The following B3GALT1 variants were observed in gnomAD, a reference collection of about 807,000 sequenced individuals.
The protein encoded by B3GALT1 is beta-1,3-galactosyltransferase 1.
In B3GALT1, 10 loss-of-function variants were observed where a neutral mutation model predicts 23.2. That is an observed-to-expected ratio of 0.43 (90% CI 0.27 to 0.73). The LOEUF (loss-of-function observed/expected upper bound fraction) is 0.73. Ranked by LOEUF, B3GALT1 falls within the 30% of genes least tolerant of loss-of-function variation. B3GALT1 has a pLI of 0.21. For missense variants in B3GALT1, 299 were observed against 405.4 expected (o/e 0.74, Z 2.25); for synonymous variants, 156 against 141.5 (o/e 1.10, Z -0.73).
At chr2:167,306,269 A>G (rs546457892) in intron 1 of B3GALT1, among the ~76,000 whole-genome samples, 2 of 152,148 alleles carry the variant, frequency 1.3e-5, no homozygotes, top group East Asian at 3.9e-4. Context: ...AATAAAATAT[A>G]AAATGATTAT....
chr2:167,377,218 T>A (rs1185466529), intron 1 of B3GALT1, among the ~76,000 whole-genome samples: 1 of 152,196 alleles, frequency 6.6e-6, no homozygotes, highest in Non-Finnish European at 1.5e-5. Context: ...TAATTTTGAT[T>A]TTTTTGAATT....
At chr2:167,324,607 CAT>C (rs1696864072) in intron 1 of B3GALT1, among the ~76,000 whole-genome samples, 1 of 152,000 alleles carries the variant, frequency 6.6e-6, no homozygotes, top group Admixed American at 6.6e-5. Flanking sequence ...TAGATTTGAA[CAT>C]ATTTATGGGA....
At chr2:167,502,572 CA>C (rs11361837) in intron 2 of B3GALT1, among the ~76,000 whole-genome samples, 58,333 of 151,570 alleles carry the variant, frequency 0.38, 11,997 homozygotes, top group East Asian at 0.8. Flanking sequence ...AGGTAGGAGG[CA>C]CATCTTAAAT....
At chr2:167,467,382 TAATA>T (rs2105328968) in intron 1 of B3GALT1, among the ~76,000 whole-genome samples, 1 of 152,140 alleles carries the variant, frequency 6.6e-6, no homozygotes, top group East Asian at 2.0e-4. Flanking sequence ...CATGTTGTTA[TAATA>T]ATAATAGAGC....
At chr2:167,598,304 A>G (rs756116093) in intron 2 of B3GALT1, among the ~76,000 whole-genome samples, 3 of 152,154 alleles carry the variant, frequency 2.0e-5, no homozygotes, top group Non-Finnish European at 4.4e-5. Context: ...CACTATATCT[A>G]GTATACATGC....
chr2:167,371,201 T>A (rs557990174), intron 1 of B3GALT1, among the ~76,000 whole-genome samples: 2 of 152,106 alleles, frequency 1.3e-5, no homozygotes, highest in South Asian at 4.2e-4. Flanking sequence ...TTTTTTTTTT[T>A]ATCACTGCTA....
intron 3 of B3GALT1, among the ~76,000 whole-genome samples, chr2:167,679,434 A>G (rs1300492442): frequency 6.6e-6 from 1 of 152,106 alleles, no homozygotes; most frequent in Non-Finnish European, 1.5e-5. Flanking sequence ...TTGTATTATT[A>G]GTAGAGACAG....
chr2:167,449,377 G>A (rs578015296), intron 1 of B3GALT1, among the ~76,000 whole-genome samples: 174 of 152,184 alleles, frequency 1.1e-3, no homozygotes, highest in African/African-American at 4.1e-3. Flanking sequence ...AAGGTGTTGA[G>A]TTCTTGATTT....
intron 1 of B3GALT1, among the ~76,000 whole-genome samples, chr2:167,374,771 A>G (rs1655299642): frequency 1.3e-5 from 2 of 151,870 alleles, no homozygotes; most frequent in South Asian, 4.1e-4. Context: ...GTTTGCAAAT[A>G]TTTTCTCACA....
At chr2:167,768,244 GGTATTTATAAAATAT>G (rs1321521739) in intron 3 of B3GALT1, among the ~76,000 whole-genome samples, 1 of 152,108 alleles carries the variant, frequency 6.6e-6, no homozygotes, top group Non-Finnish European at 1.5e-5. Context: ...CATTACAAAA[GGTATTTATAAAATAT>G]GTAGAGAAGC....
chr2:167,455,702 G>A (rs1036629844), intron 1 of B3GALT1, among the ~76,000 whole-genome samples: 2 of 151,944 alleles, frequency 1.3e-5, no homozygotes, highest in African/African-American at 4.8e-5. Flanking sequence ...TAATAGAGAC[G>A]AGATTTCACC....
intron 4 of B3GALT1, among the ~76,000 whole-genome samples, chr2:167,820,398 T>C (rs935692965): frequency 1.3e-5 from 2 of 152,126 alleles, no homozygotes; most frequent in African/African-American, 4.8e-5. Context: ...ACCAGATAAC[T>C]TGGGGCTATG....
At chr2:167,804,728 G>C (rs923386977) in intron 3 of B3GALT1, among the ~76,000 whole-genome samples, 1 of 152,130 alleles carries the variant, frequency 6.6e-6, no homozygotes, top group African/African-American at 2.4e-5. Context: ...GTCTATCATT[G>C]TTGGACATTT....
chr2:167,526,861 C>T (rs1336366166), intron 2 of B3GALT1, among the ~76,000 whole-genome samples: 1 of 151,978 alleles, frequency 6.6e-6, no homozygotes, highest in African/African-American at 2.4e-5. Context: ...ATTTCTACTA[C>T]CTACAAATAG....
chr2:167,636,639 G>A (rs1265926890), intron 2 of B3GALT1, among the ~76,000 whole-genome samples: 2 of 152,104 alleles, frequency 1.3e-5, no homozygotes, highest in African/African-American at 4.8e-5. Flanking sequence ...TATACACCAT[G>A]GAATACTATG....
chr2:167,406,782 G>A (rs1325360596), intron 1 of B3GALT1, among the ~76,000 whole-genome samples: 2 of 152,122 alleles, frequency 1.3e-5, no homozygotes, highest in Non-Finnish European at 1.5e-5. Context: ...CCATGCTGTC[G>A]GATGGTACAT....
chr2:167,467,496 C>T (rs2105329024), intron 1 of B3GALT1, among the ~76,000 whole-genome samples: 1 of 152,256 alleles, frequency 6.6e-6, no homozygotes, highest in African/African-American at 2.4e-5. Context: ...ATATTATAAA[C>T]TGTTGGCTGC....
intron 1 of B3GALT1, among the ~76,000 whole-genome samples, chr2:167,468,409 G>A (rs10048770): frequency 0.11 from 17,205 of 151,910 alleles, 1,138 homozygotes; most frequent in African/African-American, 0.19. Flanking sequence ...AGATTAAAAA[G>A]CAATATAACT....
chr2:167,599,542 G>A (rs985746233), intron 2 of B3GALT1, among the ~76,000 whole-genome samples: 3 of 152,184 alleles, frequency 2.0e-5, no homozygotes, highest in Non-Finnish European at 4.4e-5. Flanking sequence ...TTTTCATGAT[G>A]CATGTGTTGG....
Sources: allele counts gnomAD v4.1 joint callset (sites outside exome capture counted in the v4.1 genomes callset), GRCh38; gene constraint gnomAD v4.1.1; transcripts MANE v1.5; gene names NCBI Gene and HGNC (gene_info 2026-07-23, HGNC 2026-07-21).